The following DNAAF10 variants were observed in gnomAD, a reference collection of about 807,000 sequenced individuals.
DNAAF10 encodes the protein WD repeat domain 92.
In DNAAF10, 28 loss-of-function variants were observed where a neutral mutation model predicts 43.7. The ratio of observed to expected loss-of-function variants is 0.64; its 90% CI spans 0.48 to 0.88. The LOEUF (loss-of-function observed/expected upper bound fraction) is 0.88, where lower values mean the gene tolerates loss of function less well. DNAAF10 is among the 40% of genes least tolerant of loss of function. DNAAF10 has a pLI of 0.00. For missense variants in DNAAF10, 403 were observed against 439.1 expected, an observed-to-expected ratio of 0.92 and a Z score of 0.73; for synonymous variants, 156 against 157.3, an observed-to-expected ratio of 0.99 and a Z score of 0.06.
rs779749271 is a variant in DNAAF10, at chr2:68,157,330, G to C, written c.114C>G (p.Asn38Lys). 5.0e-6 allele frequency: 8 copies of C among 1,614,192 alleles called. No homozygotes were observed. The highest frequency in any genetic ancestry group is 6.8e-6 in the Non-Finnish European group (8 of 1,180,034). The change falls in exon 1 of 8, where the codon AAC becomes AAG. Residue 38 changes from asparagine to lysine, a missense_variant. Coordinates refer to ENST00000295121, the MANE Select transcript of DNAAF10 (RefSeq NM_138458.4). ...PCSAKFVTMG[N>K]FARGTGVIQL... is the part of the protein sequence containing the mutation. Reference sequence around the variant, plus strand: ...GAATGACGCCGGTGCCCCGTGCGAAGTTGCCCATGGTCACAAATTTGGCGC... The same window carrying C: ...GAATGACGCCGGTGCCCCGTGCGAACTTGCCCATGGTCACAAATTTGGCGC...
chr2:68,145,813 C>A (rs1171169011), intron 2 of DNAAF10, among the ~76,000 whole-genome samples: 1 of 152,204 alleles, frequency 6.6e-6, no homozygotes, highest in Non-Finnish European at 1.5e-5. Context: ...CTCCATTTCT[C>A]CCCTTCTTTT....
chr2:68,144,841 G>C, intron 2 of DNAAF10, 126 bp from the exon 3 acceptor site: 1 of 1,253,478 alleles, frequency 8.0e-7, no homozygotes, highest in Non-Finnish European at 1.1e-6. Context: ...TATGAAGATA[G>C]TTTATACATT....
intron 1 of DNAAF10, among the ~76,000 whole-genome samples, chr2:68,148,015 G>A (rs1673364029): frequency 1.3e-5 from 2 of 152,260 alleles, no homozygotes; most frequent in East Asian, 1.9e-4. Context: ...TTTCTCTGGG[G>A]CCTTTTCAAT....
At chr2:68,154,506 A>C (rs1252899146) in intron 1 of DNAAF10, among the ~76,000 whole-genome samples, 1 of 152,054 alleles carries the variant, frequency 6.6e-6, no homozygotes, top group Non-Finnish European at 1.5e-5. Flanking sequence ...TCGGCCTCCC[A>C]AAGTGCTGGG....
chr2:68,140,169 T>A (rs115383100), intron 4 of DNAAF10, among the ~76,000 whole-genome samples: 124 of 152,106 alleles, frequency 8.2e-4, no homozygotes, highest in Non-Finnish European at 1.5e-3. Flanking sequence ...GAGTGTTAAG[T>A]GAGAAGGAGG....
At position 68,141,675 on chromosome 2, in the gene DNAAF10, G is replaced by C. The variant is rs373588629; in HGVS notation, c.517+19C>G. The C allele has an allele frequency of 1.0e-5, 16 of 1,606,068 alleles. No individual in the cohort carries two copies. The African/African-American group carries it at 1.7e-4, about 17-fold the overall frequency. On this transcript the variant is annotated intron_variant, in intron 4 of 7. Transcript: ENST00000295121. ...TTACCATCTGATAATTCAAATGCAA[G>C]AATTCTTCAATAATTTACCAAATGC...
At chr2:68,145,966 A>G (rs1425859054) in intron 2 of DNAAF10, among the ~76,000 whole-genome samples, 1 of 152,220 alleles carries the variant, frequency 6.6e-6, no homozygotes, top group African/African-American at 2.4e-5. Context: ...AAACCTTACT[A>G]ATAAAAAATC....
chr2:68,137,455 TATTGGTAG>T (rs780196723), intron 5 of DNAAF10, 22 bp from the exon 6 acceptor site: 1 of 1,599,946 alleles, frequency 6.3e-7, no homozygotes, highest in South Asian at 1.1e-5. Flanking sequence ...GAATACTTAT[TATTGGTAG>T]TCTCACCAGT....
chr2:68,154,181 G>A (rs1177270427), intron 1 of DNAAF10, among the ~76,000 whole-genome samples: 1 of 152,116 alleles, frequency 6.6e-6, no homozygotes, highest in Non-Finnish European at 1.5e-5. Context: ...GAAATAGTGT[G>A]TTCTCAGACA....
In DNAAF10 at chr2:68,151,387, G is replaced by C. The variant is rs574533087; in HGVS notation, c.184-3820C>G. Among the ~76,000 whole-genome samples the C allele has an allele frequency of 2.6e-5, 4 of 152,210 alleles. No individual in the cohort carries two copies. The South Asian group carries it at 8.3e-4, about 32-fold the overall frequency. On this transcript the variant is annotated intron_variant, in intron 1 of 7. Coordinates refer to ENST00000295121, the MANE Select transcript of DNAAF10 (RefSeq NM_138458.4). ...ATGCCTCTATCCTTCTCTTCATTCA[G>C]ATTTCAGTTCAAATGCCACATTCCC... is the stretch of plus-strand genomic sequence containing the variant.
At chr2:68,142,842 T>C (rs540381230) in intron 3 of DNAAF10, among the ~76,000 whole-genome samples, 1 of 152,244 alleles carries the variant, frequency 6.6e-6, no homozygotes, top group South Asian at 2.1e-4. Flanking sequence ...ATTAGATTTA[T>C]CTCCAGGGAT....
Position 68,131,520 on chromosome 2 carries a change from A to G in DNAAF10, c.867-75T>C, listed in dbSNP as rs908573505. 46 of 1,420,192 alleles carry G rather than the reference A, an allele frequency of 3.2e-5. No individual in the cohort carries two copies. The African/African-American group carries it at 5.2e-4, about 16-fold the overall frequency. 88.0% of individuals were successfully genotyped at this position (1,420,192 alleles called of 1,614,324 possible). A position where few individuals can be genotyped will look rare whatever the true frequency, so the allele number is the denominator to read the frequency against. On this transcript the variant is annotated intron_variant, in intron 7 of 7. Transcript: ENST00000295121. ...ATTTTATTTTTATACATACACTTCA[A>G]TGACTCTATTTCTCAGTTGGTTACT... is the stretch of plus-strand genomic sequence containing the variant.
intron 3 of DNAAF10, among the ~76,000 whole-genome samples, chr2:68,142,403 T>C (rs1380128918): frequency 6.6e-6 from 1 of 151,822 alleles, no homozygotes; most frequent in East Asian, 1.9e-4. Flanking sequence ...ACTACAGGCA[T>C]GCACCACCAC....
intron 7 of DNAAF10, among the ~76,000 whole-genome samples, chr2:68,133,217 GTTGTTTGTTTGT>G (rs893613421): frequency 6.6e-6 from 1 of 152,014 alleles, no homozygotes; most frequent in African/African-American, 2.4e-5. Context: ...AACCATATTG[GTTGTTTGTTTGT>G]TTGTTTGTTT....
At chr2:68,149,564 A>G (rs1378862954) in intron 1 of DNAAF10, among the ~76,000 whole-genome samples, 1 of 152,192 alleles carries the variant, frequency 6.6e-6, no homozygotes, top group African/African-American at 2.4e-5. Context: ...ATGGGGCAAC[A>G]CAGAGGATCA....
chr2:68,131,290 G>A lies in DNAAF10; in HGVS notation c.1022C>T (p.Ser341Leu). 6.2e-7 allele frequency: 1 copy of A among 1,614,070 alleles called. No individual in the cohort carries two copies. ...PDKRGLCVCS[S>L]FDQTVRVLIV... ...CAGTACTCTCACCGTTTGGTCAAATGAACTACAGACGCAGAGACCCCTTTT... is the reference window on the plus strand; with the variant it reads ...CAGTACTCTCACCGTTTGGTCAAATAAACTACAGACGCAGAGACCCCTTTT... The change falls in exon 8 of 8, where the codon TCA (serine) becomes TTA (leucine). Residue 341 changes from serine (S) to leucine (L), a missense_variant. Transcript: ENST00000295121.
rs1672929268 is a variant in DNAAF10, at chr2:68,131,416, T to A, written c.896A>T (p.Asp299Val). ...YEYPIQRSKK[D>V]SEGIEMGVAG... ...GACTCCCATTTCTATTCCCTCAGAA[T>A]CTTTCTTTGACCGCTGAATAGGGTA... The change falls in exon 8 of 8, where the codon GAT becomes GTT. Residue 299 changes from aspartate to valine, a missense_variant. Coordinates refer to ENST00000295121, the MANE Select transcript of DNAAF10 (RefSeq NM_138458.4). 1 of 1,614,204 alleles carries A rather than the reference T, an allele frequency of 6.2e-7. No individual in the cohort carries two copies. The highest frequency in any genetic ancestry group is 8.5e-7 in the Non-Finnish European group (1 of 1,180,038).
intron 3 of DNAAF10, among the ~76,000 whole-genome samples, chr2:68,142,752 C>CAAGT (rs941908503): frequency 6.8e-6 from 1 of 146,054 alleles, no homozygotes; most frequent in Non-Finnish European, 1.5e-5. Context: ...GGCTAAAAGG[C>CAAGT]AAGTACCTGA....
chr2:68,147,940 A>AATGTT (rs926503144), intron 1 of DNAAF10, among the ~76,000 whole-genome samples: 3 of 152,168 alleles, frequency 2.0e-5, no homozygotes, highest in Admixed American at 6.5e-5. Context: ...TGGGAACAAA[A>AATGTT]ATGTTATGTG....
Sources: gnomAD v4.1 joint callset for allele counts (sites outside exome capture counted in the v4.1 genomes callset) on GRCh38, gnomAD v4.1.1 for gene constraint, MANE v1.5 for transcripts, NCBI Gene and HGNC (gene_info 2026-07-23, HGNC 2026-07-21) for gene names.